The following AIMP1 variants were observed in gnomAD, a reference collection of about 807,000 sequenced individuals.
The protein encoded by AIMP1 is aminoacyl tRNA synthetase complex interacting multifunctional protein 1.
In AIMP1, 24 loss-of-function variants were observed where a neutral mutation model predicts 33.1. That is an observed-to-expected ratio of 0.73 (90% CI 0.53 to 1.02). The LOEUF is 1.02. AIMP1 is among the 50% of genes least tolerant of loss of function. The pLI, the probability that AIMP1 is intolerant of heterozygous loss-of-function variation, is 0.00. For missense variants in AIMP1, 367 were observed against 364.8 expected (o/e 1.01, Z -0.05); for synonymous variants, 120 against 121.5 (o/e 0.99, Z 0.08).
At chr4:106,331,407 G>T (rs1195495889) in intron 4 of AIMP1, among the ~76,000 whole-genome samples, 8 of 152,144 alleles carry the variant, frequency 5.3e-5, no homozygotes, top group Non-Finnish European at 1.5e-5. Flanking sequence ...CAGGCAACAG[G>T]CTGGATTTGT....
Position 106,328,165 on chromosome 4 carries a change from G to A in AIMP1, c.313G>A (p.Val105Ile), listed in dbSNP as rs956742218. ...GATACAGTCTACAGCAGTAACAACCGTATCTTCTGGTACCAAAGAACAGAT... is the reference window on the plus strand; with the variant it reads ...GATACAGTCTACAGCAGTAACAACCATATCTTCTGGTACCAAAGAACAGAT... ...NVIQSTAVTT[V>I]SSGTKEQIKG... Residue 105 changes from valine (V) to isoleucine (I), a missense_variant, in exon 4 of 7, where the codon GTA becomes ATA. Physicochemically the swap from Val to Ile is conservative, Grantham distance 29. Coordinates refer to ENST00000672341, the MANE Select transcript of AIMP1 (RefSeq NM_001142416.2). The A allele has an allele frequency of 3.1e-6, 5 of 1,613,244 alleles. No homozygotes were observed. Among genetic ancestry groups the A allele is most frequent in the Non-Finnish European group, 4.2e-6 (5 of 1,179,540 alleles).
At chr4:106,322,298 A>T (rs113682990) in intron 1 of AIMP1, among the ~76,000 whole-genome samples, 93 of 104,892 alleles carry the variant, frequency 8.9e-4, no homozygotes, top group African/African-American at 2.7e-3. Flanking sequence ...AAAAAAAATT[A>T]AAAAAAAAAA....
At chr4:106,329,772 CTTTTTTTTTTT>C (rs59016309) in intron 4 of AIMP1, among the ~76,000 whole-genome samples, 166 of 53,100 alleles carry the variant, frequency 3.1e-3, no homozygotes, top group Non-Finnish European at 4.7e-3. Flanking sequence ...TGCTACATAT[CTTTTTTTTTTT>C]TTTTTTTTTT....
In AIMP1 at chr4:106,324,995, C is replaced by T. The variant is rs751610778; in HGVS notation, c.-15C>T. On this transcript the variant is annotated 5_prime_UTR_variant, in exon 2 of 7. Transcript: ENST00000672341. Reference sequence around the variant, plus strand: ...TTATTTTTCCTATAGGATTTTCTGCCGTCTCTTGGCAAAAATGGCAAATAA... The same window carrying T: ...TTATTTTTCCTATAGGATTTTCTGCTGTCTCTTGGCAAAAATGGCAAATAA... The T allele has an allele frequency of 7.5e-6, 12 of 1,596,192 alleles. No individual in the cohort carries two copies. Among genetic ancestry groups the T allele is most frequent in the Admixed American group, 1.7e-5 (1 of 58,418 alleles).
In AIMP1 at chr4:106,347,763, T is replaced by C. The variant is rs1770360552; in HGVS notation, c.*71T>C. The C allele has an allele frequency of 1.3e-6, 2 of 1,510,490 alleles. No individual in the cohort carries two copies. Among genetic ancestry groups the C allele is most frequent in the African/African-American group, 1.4e-5 (1 of 71,934 alleles). The allele number at this position is 1,510,490 out of a possible 1,614,324, so 93.6% of individuals were successfully genotyped here. ...TAAAGAGAAATATATTTGTCACTTA[T>C]ACCTAAAATATGAGTGGCTCATTTT... On this transcript the variant is annotated 3_prime_UTR_variant, in exon 7 of 7. Transcript: ENST00000672341.
At chr4:106,324,953 A>C (rs764887883) in intron 1 of AIMP1, 32 bp from the exon 2 acceptor site, 1 of 1,548,192 alleles carries the variant, frequency 6.5e-7, no homozygotes, top group African/African-American at 1.4e-5. Context: ...TTCCTTTCAC[A>C]GTGTAATTTA....
intron 5 of AIMP1, 104 bp from the exon 6 acceptor site, chr4:106,336,765 T>C: frequency 8.9e-7 from 1 of 1,122,798 alleles, no homozygotes; most frequent in South Asian, 1.2e-5. Flanking sequence ...TCCACAAAAG[T>C]AGAACATTTG....
chr4:106,328,607 A>C (rs777604243), intron 4 of AIMP1, among the ~76,000 whole-genome samples: 8 of 152,208 alleles, frequency 5.3e-5, no homozygotes, highest in Non-Finnish European at 1.2e-4. Flanking sequence ...AGTTGTGAAG[A>C]TAGGAAAAGA....
intron 5 of AIMP1, among the ~76,000 whole-genome samples, chr4:106,334,074 T>A (rs1013614261): frequency 6.6e-6 from 1 of 152,138 alleles, no homozygotes; most frequent in African/African-American, 2.4e-5. Flanking sequence ...TTCAGAGATA[T>A]TGCAAAGAAT....
intron 6 of AIMP1, among the ~76,000 whole-genome samples, chr4:106,343,542 TTGAA>T (rs1185525042): frequency 1.4e-4 from 22 of 152,156 alleles, no homozygotes; most frequent in Admixed American, 1.4e-3. Flanking sequence ...ACCCATGACT[TTGAA>T]TGAATCTGTG....
chr4:106,321,348 C>CT (rs1320643133), intron 1 of AIMP1: 1 of 159,012 alleles, frequency 6.3e-6, no homozygotes, highest in African/African-American at 2.4e-5. Context: ...GGGAGCATCT[C>CT]TGCCCCGTCG....
chr4:106,329,572 G>C (rs907983577), intron 4 of AIMP1, among the ~76,000 whole-genome samples: 85 of 152,214 alleles, frequency 5.6e-4, no homozygotes, highest in African/African-American at 1.9e-3. Flanking sequence ...TGAAATGTGG[G>C]TAGTATGACT....
chr4:106,343,175 T>C (rs1770165277), intron 6 of AIMP1, among the ~76,000 whole-genome samples: 1 of 152,162 alleles, frequency 6.6e-6, no homozygotes, highest in Non-Finnish European at 1.5e-5. Context: ...GGTTGTGTGT[T>C]TCTAAGAATT....
At chr4:106,316,418 G>C (rs1435512679), upstream of AIMP1, 8 of 899,076 alleles carry the variant, frequency 8.9e-6, no homozygotes, top group Non-Finnish European at 1.1e-5. Context: ...GGTATGGCAG[G>C]TTAATGGGAC....
chr4:106,340,491 G>A (rs1770055342), intron 6 of AIMP1, among the ~76,000 whole-genome samples: 1 of 152,252 alleles, frequency 6.6e-6, no homozygotes, highest in East Asian at 1.9e-4. Context: ...TCATGTCTGT[G>A]TATACGCAAT....
At position 106,327,480 on chromosome 4, in the gene AIMP1, A is replaced by G; in HGVS notation, c.139A>G (p.Lys47Glu). ...GCAGGCAACTTTGAGGGAAGAGAAGAAACTTCGAGTTGAAAATGCTAAACT... is the reference window on the plus strand; with the variant it reads ...GCAGGCAACTTTGAGGGAAGAGAAGGAACTTCGAGTTGAAAATGCTAAACT... ...ILQATLREEKKLRVENAKLKK... is the reference protein window; with the variant it reads ...ILQATLREEKELRVENAKLKK... Residue 47 changes from lysine to glutamate, a missense_variant, in exon 3 of 7, where the codon AAA becomes GAA. By Grantham distance (56) the Lys-to-Glu change is moderately conservative (BLOSUM62 1). Transcript: ENST00000672341. 6.2e-7 allele frequency: 1 copy of G among 1,612,914 alleles called. No homozygotes were observed. Among genetic ancestry groups the G allele is most frequent in the South Asian group, 1.1e-5 (1 of 91,044 alleles).
intron 2 of AIMP1, among the ~76,000 whole-genome samples, chr4:106,327,124 C>T (rs1443730274): frequency 6.6e-6 from 1 of 152,160 alleles, no homozygotes. Context: ...AAGTTATTTG[C>T]CATTGCCTTT....
chr4:106,341,193 C>T (rs1579645183), intron 6 of AIMP1, among the ~76,000 whole-genome samples: 1 of 152,116 alleles, frequency 6.6e-6, no homozygotes, highest in Non-Finnish European at 1.5e-5. Flanking sequence ...TTTTCCCATT[C>T]TTTAGGCTGT....
At position 106,336,916 on chromosome 4, in the gene AIMP1, G is replaced by A. The variant is rs761564113; in HGVS notation, c.651G>A (p.Lys217=). 6.2e-7 allele frequency: 1 copy of A among 1,614,076 alleles called. No individual in the cohort carries two copies. ...TACTTTGTAACCTGAAACCTGCAAA[G>A]ATGAGGGGAGTATTATCTCAAGCAA... is the stretch of plus-strand genomic sequence containing the variant. ...VILLCNLKPA[K]MRGVLSQAMV... Residue 217 remains lysine (K), a synonymous_variant, in exon 6 of 7, where the codon AAG becomes AAA. Coordinates refer to ENST00000672341, the MANE Select transcript of AIMP1 (RefSeq NM_001142416.2).
Sources: allele counts gnomAD v4.1 joint callset (sites outside exome capture counted in the v4.1 genomes callset), GRCh38; gene constraint gnomAD v4.1.1; transcripts MANE v1.5; gene names NCBI Gene and HGNC (gene_info 2026-07-23, HGNC 2026-07-21).